The following ROBO1 variants were observed in gnomAD, a reference collection of about 807,000 sequenced individuals.
ROBO1 encodes the protein roundabout guidance receptor 1.
In ROBO1, 149 loss-of-function variants were observed where a neutral mutation model predicts 195.9. That is an observed-to-expected ratio of 0.76 (90% CI 0.67 to 0.87). The LOEUF is 0.87. Ranked by LOEUF, ROBO1 falls within the 40% of genes least tolerant of loss-of-function variation. The pLI, the probability that ROBO1 is intolerant of heterozygous loss-of-function variation, is 0.00. For missense variants in ROBO1, 1,933 were observed against 2,068.3 expected (o/e 0.93, Z 1.27); for synonymous variants, 816 against 733.2 (o/e 1.11, Z -1.82).
chr3:79,733,375 A>G (rs1265472708), intron 1 of ROBO1, among the ~76,000 whole-genome samples: 1 of 152,218 alleles, frequency 6.6e-6, no homozygotes, highest in Non-Finnish European at 1.5e-5. Context: ...TTGTTAGGAT[A>G]TAGGATGACA....
intron 1 of ROBO1, among the ~76,000 whole-genome samples, chr3:79,619,195 G>C (rs1690136840): frequency 6.6e-6 from 1 of 152,126 alleles, no homozygotes; most frequent in African/African-American, 2.4e-5. Flanking sequence ...CATTCCCTTA[G>C]TGGCAAGTCA....
At chr3:78,746,461 C>T (rs530937303) in intron 5 of ROBO1, among the ~76,000 whole-genome samples, 58 of 152,170 alleles carry the variant, frequency 3.8e-4, no homozygotes, top group African/African-American at 1.2e-3. Flanking sequence ...CCCTGAGTTA[C>T]GACAATAATT....
rs1357106028 is a variant in ROBO1, at chr3:78,631,253, A to G, written c.3534T>C (p.Gly1178=). ...GARTPKVPKQ[G]GMNWADLLPP... is the part of the protein sequence containing the mutation. ...GAAGCAGGTCTGCCCAGTTCATGCC[A>G]CCCTGTTTTGGTACCTTGGGTGTTC... The change falls in exon 25 of 31, where the codon GGT becomes GGC. Residue 1178 remains glycine, a synonymous_variant. Coordinates refer to ENST00000464233, the MANE Select transcript of ROBO1 (RefSeq NM_002941.4). 3 of 1,613,300 alleles carry G rather than the reference A, an allele frequency of 1.9e-6. No individual in the cohort carries two copies. The African/African-American group carries it at 4.0e-5, about 22-fold the overall frequency.
At chr3:78,811,735 T>C (rs544371532) in intron 4 of ROBO1, among the ~76,000 whole-genome samples, 1 of 152,268 alleles carries the variant, frequency 6.6e-6, no homozygotes, top group African/African-American at 2.4e-5. Flanking sequence ...GTATACTGTG[T>C]CCGACATGCC....
chr3:79,369,708 C>G (rs182044785), intron 2 of ROBO1, among the ~76,000 whole-genome samples: 1 of 151,476 alleles, frequency 6.6e-6, no homozygotes, highest in South Asian at 2.1e-4. Flanking sequence ...TCTTTAGTCC[C>G]AAGTGAATGA....
intron 1 of ROBO1, among the ~76,000 whole-genome samples, chr3:79,728,575 C>T (rs1194564312): frequency 6.6e-6 from 1 of 152,052 alleles, no homozygotes; most frequent in East Asian, 1.9e-4. Flanking sequence ...CATTTTAATA[C>T]TAGTATTTAT....
rs77562457 is a variant in ROBO1, at chr3:79,487,501, C to T, written c.88+102323G>A. Among the ~76,000 whole-genome samples, 1,095 of 152,290 alleles carry T rather than the reference C, an allele frequency of 7.2e-3. 12 individuals are homozygous for T. The highest frequency in any genetic ancestry group is 0.024 in the African/African-American group (998 of 41,570). ...AAATGCTGGGATTACAGGCAGGAACCACTGCGCCGAGCCAACTTTCTGTTT... is the reference window on the plus strand; with the variant it reads ...AAATGCTGGGATTACAGGCAGGAACTACTGCGCCGAGCCAACTTTCTGTTT... On this transcript the variant is annotated intron_variant, in intron 2 of 30. Coordinates refer to ENST00000464233, the MANE Select transcript of ROBO1 (RefSeq NM_002941.4).
intron 2 of ROBO1, among the ~76,000 whole-genome samples, chr3:79,325,625 A>G (rs891329063): frequency 9.2e-5 from 14 of 152,178 alleles, no homozygotes; most frequent in African/African-American, 3.4e-4. Flanking sequence ...CCAAATTAAT[A>G]CTTTTATAAT....
intron 2 of ROBO1, among the ~76,000 whole-genome samples, chr3:79,181,702 A>AT (rs2081342594): frequency 6.6e-6 from 1 of 152,100 alleles, no homozygotes; most frequent in Non-Finnish European, 1.5e-5. Context: ...CACTCAGCCT[A>AT]CCTAGACAAA....
chr3:79,396,213 T>A (rs1575769954), intron 2 of ROBO1, among the ~76,000 whole-genome samples: 1 of 152,202 alleles, frequency 6.6e-6, no homozygotes, highest in Middle Eastern at 3.4e-3. Flanking sequence ...TTAATAAAAT[T>A]GGAGTACTAT....
intron 3 of ROBO1, among the ~76,000 whole-genome samples, chr3:79,034,216 C>G (rs2078343988): frequency 6.6e-6 from 1 of 152,100 alleles, no homozygotes; most frequent in Non-Finnish European, 1.5e-5. Flanking sequence ...TCCCAATTCA[C>G]AAGTGAGGTT....
intron 4 of ROBO1, among the ~76,000 whole-genome samples, chr3:78,888,153 TC>T (rs1363919295): frequency 1.3e-5 from 2 of 152,206 alleles, no homozygotes; most frequent in African/African-American, 4.8e-5. Flanking sequence ...TATCAGTTCA[TC>T]CTTTCGAGAA....
intron 1 of ROBO1, among the ~76,000 whole-genome samples, chr3:79,718,201 C>CT (rs375026550): frequency 1.1e-4 from 16 of 152,014 alleles, no homozygotes; most frequent in African/African-American, 3.9e-4. Context: ...ATTAAGAAAA[C>CT]TGTCTTTATC....
At position 78,819,465 on chromosome 3, in the gene ROBO1, C is replaced by CT. The variant is rs1372961707; in HGVS notation, c.500-72566dup. ...TTCTACAAAAAAAAAAAAACAAAAC[C>CT]TTTTTTTTTCTTTTCTCCATACAGA... is the stretch of plus-strand genomic sequence containing the variant. On this transcript the variant is annotated intron_variant, in intron 4 of 30. Coordinates refer to ENST00000464233, the MANE Select transcript of ROBO1 (RefSeq NM_002941.4). Among the ~76,000 whole-genome samples, 806 of 149,194 alleles carry CT rather than the reference C, an allele frequency of 5.4e-3. 4 individuals are homozygous for CT. The highest frequency in any genetic ancestry group is 0.011 in the Middle Eastern group (3 of 284).
intron 5 of ROBO1, among the ~76,000 whole-genome samples, chr3:78,731,738 T>C (rs949852227): frequency 1.3e-5 from 2 of 152,252 alleles, no homozygotes; most frequent in African/African-American, 4.8e-5. Context: ...AAATAACAAA[T>C]GTATTTAAAT....
chr3:79,506,410 G>A (rs545739848), intron 2 of ROBO1, among the ~76,000 whole-genome samples: 43 of 152,092 alleles, frequency 2.8e-4, no homozygotes, highest in African/African-American at 9.6e-4. Context: ...CTCATCAGAT[G>A]CCAACAGTAA....
chr3:79,397,896 A>G (rs1196281096), intron 2 of ROBO1, among the ~76,000 whole-genome samples: 1 of 152,178 alleles, frequency 6.6e-6, no homozygotes, highest in Non-Finnish European at 1.5e-5. Context: ...AAAACTAAAA[A>G]CATTAAAAAT....
intron 2 of ROBO1, among the ~76,000 whole-genome samples, chr3:79,421,781 T>A (rs2038235681): frequency 6.6e-6 from 1 of 152,124 alleles, no homozygotes; most frequent in Non-Finnish European, 1.5e-5. Context: ...CAAGCTCTAA[T>A]AAAATAAATA....
intron 3 of ROBO1, among the ~76,000 whole-genome samples, chr3:79,050,054 T>G (rs138344846): frequency 1.3e-5 from 2 of 152,076 alleles, no homozygotes; most frequent in Non-Finnish European, 2.9e-5. Context: ...ATATTAACCT[T>G]AAATGTAAAT....
Sources: gnomAD v4.1 joint callset for allele counts (sites outside exome capture counted in the v4.1 genomes callset) on GRCh38, gnomAD v4.1.1 for gene constraint, MANE v1.5 for transcripts, NCBI Gene and HGNC (gene_info 2026-07-23, HGNC 2026-07-21) for gene names.